Variants in MYOM2 observed in about 807,000 individuals in gnomAD.
MYOM2 encodes myomesin-2.
MYOM2 carries 254 observed loss-of-function variants against 187.6 expected under a neutral mutation model. That is an observed-to-expected ratio of 1.35 (90% CI 1.22 to 1.50). MYOM2 has a LOEUF of 1.50. Ranked by LOEUF, MYOM2 falls within the 40% of genes most tolerant of loss-of-function variation. MYOM2 has a pLI of 0.00. For synonymous variants in MYOM2, 981 were observed against 753.8 expected (o/e 1.30, Z -4.94); for missense variants, 2,796 against 1,924.0 (o/e 1.45, Z -8.48).
chr8:2,096,266 T>A lies in MYOM2; in HGVS notation c.2145T>A (p.Tyr715Ter). 1 of 1,614,094 alleles carries A rather than the reference T, an allele frequency of 6.2e-7. No homozygotes were observed. ...TTGCAGCCGTCCCGTCCCATCCTTA[T>A]GGGATTACGCTCCTCAACTGTGACG... ...QAALTVPSHP[Y>*]GITLLNCDGH... Residue 715 changes from tyrosine (Y) to a stop codon, truncating the protein, a stop_gained, in exon 18 of 37, where the codon TAT becomes TAA. Coordinates refer to ENST00000262113, the MANE Select transcript of MYOM2 (RefSeq NM_003970.4). LOFTEE classifies it high-confidence loss of function.
intron 25 of MYOM2, among the ~76,000 whole-genome samples, chr8:2,114,096 G>A (rs942833632): frequency 1.3e-5 from 2 of 152,202 alleles, no homozygotes; most frequent in Admixed American, 1.3e-4. Context: ...AGTCTCCCTT[G>A]GAGCCAGTCA....
intron 28 of MYOM2, among the ~76,000 whole-genome samples, chr8:2,119,701 G>C (rs1262717223): frequency 1.3e-5 from 2 of 152,128 alleles, no homozygotes; most frequent in Non-Finnish European, 2.9e-5. Context: ...GGATGGAGAC[G>C]CTCAATCCTA....
intron 14 of MYOM2, among the ~76,000 whole-genome samples, chr8:2,086,876 G>A (rs531821291): frequency 8.2e-4 from 125 of 152,294 alleles, no homozygotes; most frequent in Non-Finnish European, 1.4e-3. Context: ...GGTGGCAATC[G>A]TGTAGAGGAA....
intron 25 of MYOM2, among the ~76,000 whole-genome samples, chr8:2,111,633 G>T (rs1355818447): frequency 1.3e-5 from 2 of 152,174 alleles, no homozygotes; most frequent in Non-Finnish European, 2.9e-5. Context: ...AAGGTCCACG[G>T]GACGGTGTAT....
chr8:2,116,166 G>C lies in MYOM2; in HGVS notation c.3326-50G>C, dbSNP rs192372828. On this transcript the variant is annotated intron_variant, in intron 26 of 36. Transcript: ENST00000262113. ...TAATTCAAATGAAATTCTTTTGACT[G>C]GAGAGAAGCAAACATGTTTCATATA... is the stretch of plus-strand genomic sequence containing the variant. 6.6e-5 allele frequency: 106 copies of C among 1,602,264 alleles called. No homozygotes were observed. The East Asian group carries it at 2.3e-3, about 35-fold the overall frequency.
chr8:2,062,379 C>T (rs1040511574), intron 6 of MYOM2, among the ~76,000 whole-genome samples: 5 of 152,140 alleles, frequency 3.3e-5, no homozygotes, highest in African/African-American at 9.7e-5. Flanking sequence ...GGAAGGAACA[C>T]AGGCCTGGGA....
chr8:2,092,648 A>C (rs1796348859), intron 16 of MYOM2, 128 bp downstream of exon 16: 1 of 940,688 alleles, frequency 1.1e-6, no homozygotes, highest in Non-Finnish European at 1.5e-6. Flanking sequence ...TGTCTTAGCC[A>C]CACACAAGGG....
At position 2,076,176 on chromosome 8, in the gene MYOM2, C is replaced by G. The variant is rs561672305; in HGVS notation, c.1156C>G (p.Pro386Ala). 3 of 1,613,220 alleles carry G rather than the reference C, an allele frequency of 1.9e-6. No individual in the cohort carries two copies. Among genetic ancestry groups the G allele is most frequent in the Admixed American group, 3.3e-5 (2 of 59,970 alleles). The part of the protein sequence containing the change: ...DPLVTGAPGA[P>A]MDLQCHDANR... The stretch of plus-strand genomic sequence containing the variant: ...GCTGGTCACAGGGGCCCCCGGTGCA[C>G]CCATGGACTTGCAGTGCCACGACGC... The change falls in exon 11 of 37, where the codon CCC becomes GCC. Residue 386 changes from proline (P) to alanine (A), a missense_variant. By Grantham distance (27) the Pro-to-Ala change is conservative. Coordinates refer to ENST00000262113, the MANE Select transcript of MYOM2 (RefSeq NM_003970.4).
At chr8:2,077,496 T>A (rs977922341) in intron 11 of MYOM2, among the ~76,000 whole-genome samples, 47 of 152,306 alleles carry the variant, frequency 3.1e-4, no homozygotes, top group African/African-American at 1.0e-3. Context: ...CTCTTTTCTC[T>A]TCCAACAAAA....
chr8:2,064,159 C>T (rs994020046), intron 6 of MYOM2, among the ~76,000 whole-genome samples: 57 of 152,328 alleles, frequency 3.7e-4, no homozygotes, highest in African/African-American at 2.2e-4. Flanking sequence ...TCTGCTCCGT[C>T]GTCTGCCCAG....
intron 19 of MYOM2, among the ~76,000 whole-genome samples, chr8:2,099,392 A>G (rs890873099): frequency 2.0e-5 from 3 of 151,900 alleles, no homozygotes; most frequent in Non-Finnish European, 2.9e-5. Flanking sequence ...CCCAGCTGGG[A>G]GGCGCGACAG....
At chr8:2,138,840 C>T (rs1798173057) in intron 32 of MYOM2, among the ~76,000 whole-genome samples, 1 of 152,166 alleles carries the variant, frequency 6.6e-6, no homozygotes, top group African/African-American at 2.4e-5. Context: ...TGAAGCCAAT[C>T]CCACAAAACC....
At chr8:2,053,971 T>A (rs1011884620) in intron 3 of MYOM2, among the ~76,000 whole-genome samples, 1 of 152,048 alleles carries the variant, frequency 6.6e-6, no homozygotes, top group African/African-American at 2.4e-5. Flanking sequence ...CAAGTTCTAA[T>A]TGAGATTTAT....
intron 30 of MYOM2, 21 bp from the exon 31 acceptor site, chr8:2,124,158 C>G (rs765046328): frequency 6.2e-7 from 1 of 1,607,526 alleles, no homozygotes. Context: ...CGTAATGGTG[C>G]GTATCCCTTC....
chr8:2,071,396 G>C (rs1056178632), intron 8 of MYOM2, among the ~76,000 whole-genome samples: 1 of 152,020 alleles, frequency 6.6e-6, no homozygotes, highest in African/African-American at 2.4e-5. Flanking sequence ...TGACATGTAT[G>C]TACTTCTCCC....
chr8:2,064,848 C>G (rs1756188256), intron 6 of MYOM2, among the ~76,000 whole-genome samples: 1 of 152,272 alleles, frequency 6.6e-6, no homozygotes, highest in East Asian at 1.9e-4. Flanking sequence ...AAGGTTTATC[C>G]CCTTCCTGTA....
rs77888349 is a variant in MYOM2, at chr8:2,057,695, C to T, written c.475C>T (p.Arg159Trp). The T allele has an allele frequency of 9.0e-4, 1,453 of 1,614,084 alleles. 15 individuals carry two copies. The African/African-American group carries it at 0.017, about 19-fold the overall frequency. The change falls in exon 5 of 37, where the codon CGG becomes TGG. Residue 159 changes from arginine (R) to tryptophan (W), a missense_variant. Arg to Trp is a moderately radical substitution (Grantham distance 101). Coordinates refer to ENST00000262113, the MANE Select transcript of MYOM2 (RefSeq NM_003970.4). ...AAGCAGGGCTCCTGAGATCCTGGTG[C>T]GGCTGCGATCCCACACCGTCTGGGA... Reference protein sequence around the residue: ...RISRAPEILVRLRSHTVWERM... With the variant: ...RISRAPEILVWLRSHTVWERM...
At chr8:2,107,279 T>C (rs1425824272) in intron 23 of MYOM2, among the ~76,000 whole-genome samples, 1 of 152,114 alleles carries the variant, frequency 6.6e-6, no homozygotes, top group Non-Finnish European at 1.5e-5. Flanking sequence ...GGGGCAGTGG[T>C]GCAGCGTGAA....
intron 1 of MYOM2, among the ~76,000 whole-genome samples, chr8:2,047,153 G>C (rs1385444968): frequency 6.6e-6 from 1 of 152,168 alleles, no homozygotes; most frequent in Non-Finnish European, 1.5e-5. Flanking sequence ...CACCTGTAGG[G>C]TGCATTTGGC....
Sources: gnomAD v4.1 joint callset for allele counts (sites outside exome capture counted in the v4.1 genomes callset) on GRCh38, gnomAD v4.1.1 for gene constraint, MANE v1.5 for transcripts, NCBI Gene and HGNC (gene_info 2026-07-23, HGNC 2026-07-21) for gene names.